The following PCIF1 variants were observed in gnomAD, a reference collection of about 807,000 sequenced individuals.
PCIF1 encodes phosphorylated CTD interacting factor 1.
In PCIF1, 12 loss-of-function variants were observed where a neutral mutation model predicts 86.9. The ratio of observed to expected loss-of-function variants is 0.14; its 90% CI spans 0.09 to 0.22. PCIF1 has a LOEUF of 0.22. Among genes scored for constraint, PCIF1 ranks in the 10% least tolerant of loss-of-function variants. The probability of loss-of-function intolerance (pLI) is 1.00; values close to 1 mark genes in which losing one functional copy is unlikely to be tolerated. For missense variants in PCIF1, 701 were observed against 951.1 expected (o/e 0.74, Z 3.46); for synonymous variants, 397 against 372.0 (o/e 1.07, Z -0.77).
In PCIF1 at chr20:45,943,104, G is replaced by A; in HGVS notation, c.681G>A (p.Glu227=). ...AGCTCTCCTGTCCTGCAGGCATTGA[G>A]CCTCCACGGGAGTCTTTCAACCGCT... is the stretch of plus-strand genomic sequence containing the variant. The part of the protein sequence containing the change: ...RELCQQREGI[E]PPRESFNRWM... The change falls in exon 8 of 17, where the codon GAG becomes GAA. Residue 227 remains glutamate (E), a synonymous_variant. Transcript: ENST00000372409. This position sits in a 1 kb window ranked among gnomAD's most constrained non-coding sequence, Gnocchi z 5.5. The A allele has an allele frequency of 6.2e-7, 1 of 1,613,864 alleles. No individual in the cohort carries two copies. Among genetic ancestry groups the A allele is most frequent in the South Asian group, 1.1e-5 (1 of 91,064 alleles).
At chr20:45,940,317 G>A (rs1403062702) in intron 4 of PCIF1, among the ~76,000 whole-genome samples, 158 bp from the exon 5 acceptor site, 2 of 152,204 alleles carry the variant, frequency 1.3e-5, no homozygotes, top group Admixed American at 1.3e-4. Flanking sequence ...GTTGCAAGTT[G>A]CAGGCAGGAC....
rs1242849167 is a variant in PCIF1 at position 45,943,594 on chromosome 20, G to A, written c.906-72G>A. On this transcript the variant is annotated intron_variant, in intron 9 of 16. Coordinates refer to ENST00000372409, the MANE Select transcript of PCIF1 (RefSeq NM_022104.4). This position sits in a 1 kb window ranked among gnomAD's most constrained non-coding sequence, Gnocchi z 5.5. ...TGGAAGCTAGGGGTTGATACCCAGC[G>A]AGCCCATGGAATTGGGATGAGGAGG... The A allele has an allele frequency of 1.5e-5, 21 of 1,438,902 alleles. No homozygotes were observed. Among genetic ancestry groups the A allele is most frequent in the African/African-American group, 7.1e-5 (5 of 70,848 alleles). 89.1% of individuals were successfully genotyped at this position (1,438,902 alleles called of 1,614,324 possible).
chr20:45,947,962 C>T lies in PCIF1; in HGVS notation c.*207C>T. The T allele has an allele frequency of 6.5e-7, 1 of 1,531,306 alleles. No individual in the cohort carries two copies. The highest frequency in any genetic ancestry group is 8.7e-7 in the Non-Finnish European group (1 of 1,144,662). 94.9% of individuals were successfully genotyped at this position (1,531,306 alleles called of 1,614,324 possible). Reference sequence around the variant, plus strand: ...AGGTCCTGATGCCTTCCCAACCCCGCCCCTCACCCTGTTGCCACCTTGTTT... The same window carrying T: ...AGGTCCTGATGCCTTCCCAACCCCGTCCCTCACCCTGTTGCCACCTTGTTT... On this transcript the variant is annotated 3_prime_UTR_variant, in exon 17 of 17. Coordinates refer to ENST00000372409, the MANE Select transcript of PCIF1 (RefSeq NM_022104.4). The surrounding 1 kb of genome is among the most constrained non-coding windows in gnomAD (Gnocchi z 5.4).
chr20:45,941,451 TTTTA>T lies in PCIF1; in HGVS notation c.673+256_673+259del, dbSNP rs545382957. Among the ~76,000 whole-genome samples the T allele has an allele frequency of 2.8e-3, 419 of 152,340 alleles. 1 individual carries two copies. The highest frequency in any genetic ancestry group is 5.2e-3 in the Admixed American group (80 of 15,300). ...GTATTAAATGAACTGTAGTTTTTAA[TTTTA>T]TTTATTTATTTTTTTTGAGATGGAG... On this transcript the variant is annotated intron_variant, in intron 7 of 16. Coordinates refer to ENST00000372409, the MANE Select transcript of PCIF1 (RefSeq NM_022104.4).
In PCIF1 at chr20:45,947,065, G is replaced by A; in HGVS notation, c.1614-8G>A. 6.2e-7 allele frequency: 1 copy of A among 1,604,172 alleles called. No homozygotes were observed. The highest frequency in any genetic ancestry group is 8.5e-7 in the Non-Finnish European group (1 of 1,172,558). ...GATGGGACTTAGAATGCTCACTCCT[G>A]TCCCCAGGCCCTGCCTAGACTTTGC... On this transcript the variant is annotated splice_polypyrimidine_tract_variant and splice_region_variant and intron_variant, in intron 14 of 16. Transcript: ENST00000372409. This position sits in a 1 kb window ranked among gnomAD's most constrained non-coding sequence, Gnocchi z 5.4.
At chr20:45,941,519 T>C (rs1489678889) in intron 7 of PCIF1, among the ~76,000 whole-genome samples, 1 of 152,222 alleles carries the variant, frequency 6.6e-6, no homozygotes, top group Non-Finnish European at 1.5e-5. Flanking sequence ...AGTGGCACCA[T>C]CTCCGCTCAC....
intron 2 of PCIF1, among the ~76,000 whole-genome samples, chr20:45,938,225 G>A (rs2083442333): frequency 6.6e-6 from 1 of 152,144 alleles, no homozygotes; most frequent in Non-Finnish European, 1.5e-5. Context: ...TATTCACCTG[G>A]GGATTATGAA....
Position 45,947,133 on chromosome 20 carries a change from G to C in PCIF1, c.1674G>C (p.Glu558Asp), listed in dbSNP as rs1471328833. 1 of 1,613,546 alleles carries C rather than the reference G, an allele frequency of 6.2e-7. No homozygotes were observed. The highest frequency in any genetic ancestry group is 1.1e-5 in the South Asian group (1 of 91,064). ...GSFEANPPFC[E>D]ELMDAMVSHF... Reference sequence around the variant, plus strand: ...TTGAGGCCAACCCTCCCTTCTGCGAGGAGCTCATGGATGCCATGGTCTCTC... The same window carrying C: ...TTGAGGCCAACCCTCCCTTCTGCGACGAGCTCATGGATGCCATGGTCTCTC... Residue 558 changes from glutamate to aspartate, a missense_variant, in exon 15 of 17, where the codon GAG becomes GAC. By Grantham distance (45) the Glu-to-Asp change is conservative. This residue lies in a region of PCIF1 where 174 missense variants were observed against 206.9 expected (regional missense o/e 0.84). Coordinates refer to ENST00000372409, the MANE Select transcript of PCIF1 (RefSeq NM_022104.4). The surrounding 1 kb of genome is among the most constrained non-coding windows in gnomAD (Gnocchi z 5.4).
At chr20:45,942,717 C>T (rs1051801088) in intron 7 of PCIF1, among the ~76,000 whole-genome samples, 12 of 150,380 alleles carry the variant, frequency 8.0e-5, no homozygotes, top group African/African-American at 2.9e-4. Flanking sequence ...CGGGTTCAAG[C>T]GATCCTCCCG....
intron 7 of PCIF1, among the ~76,000 whole-genome samples, chr20:45,942,646 G>T (rs913156476): frequency 6.7e-6 from 1 of 150,334 alleles, no homozygotes; most frequent in African/African-American, 2.5e-5. Context: ...ACAAGGTCTC[G>T]CTCTGTCACC....
intron 5 of PCIF1, 81 bp downstream of exon 5, chr20:45,940,693 A>T (rs914941295): frequency 6.4e-7 from 1 of 1,571,982 alleles, no homozygotes; most frequent in African/African-American, 1.4e-5. Context: ...GGGGCTGGGC[A>T]TTGGCAGGCC....
rs758872414 is a variant in PCIF1 at position 45,947,712 on chromosome 20, C to T, written c.2072C>T (p.Ser691Leu). 1.1e-5 allele frequency: 18 copies of T among 1,606,496 alleles called. No homozygotes were observed. Among genetic ancestry groups the T allele is most frequent in the South Asian group, 1.1e-4 (10 of 90,822 alleles). ...TCCTCGGAGGCCAAGGACCGGGACT[C>T]GGGCCGTGAGCAGGGTCCTAGCCGC... is the stretch of plus-strand genomic sequence containing the variant. ...SSSSEAKDRD[S>L]GREQGPSREP... The change falls in exon 17 of 17, where the codon TCG (serine) becomes TTG (leucine). Residue 691 changes from serine to leucine, a missense_variant. Transcript: ENST00000372409. The surrounding 1 kb of genome is among the most constrained non-coding windows in gnomAD (Gnocchi z 5.4).
At chr20:45,937,286 C>G (rs1381523957) in intron 1 of PCIF1, 132 bp from the exon 2 acceptor site, 1 of 397,424 alleles carries the variant, frequency 2.5e-6, no homozygotes, top group Non-Finnish European at 4.4e-6. Flanking sequence ...TTTTCATCCC[C>G]TGTATTCCCT....
In PCIF1 at chr20:45,946,364, C is replaced by T. The variant is rs35174692; in HGVS notation, c.1593C>T (p.Asp531=). The T allele has an allele frequency of 6.1e-5, 98 of 1,613,554 alleles. 1 individual carries two copies. Among genetic ancestry groups the T allele is most frequent in the South Asian group, 8.8e-5 (8 of 91,096 alleles). ...RQYCSAFPDT[D]GYFGSRGPCL... is the part of the protein sequence containing the mutation. Reference sequence around the variant, plus strand: ...ACTGTTCTGCCTTCCCCGACACAGACGGCTACTTTGGCTCCCGCGGGTGAG... The same window carrying T: ...ACTGTTCTGCCTTCCCCGACACAGATGGCTACTTTGGCTCCCGCGGGTGAG... The change falls in exon 14 of 17, where the codon GAC becomes GAT. Residue 531 remains aspartate, a synonymous_variant. Coordinates refer to ENST00000372409, the MANE Select transcript of PCIF1 (RefSeq NM_022104.4).
intron 10 of PCIF1, among the ~76,000 whole-genome samples, chr20:45,944,258 A>T (rs2083501694): frequency 6.6e-6 from 1 of 152,164 alleles, no homozygotes; most frequent in African/African-American, 2.4e-5. Flanking sequence ...CATATTTCAC[A>T]AGAGACAAGG....
intron 4 of PCIF1, among the ~76,000 whole-genome samples, chr20:45,939,802 A>G (rs1337284726): frequency 1.3e-5 from 2 of 152,176 alleles, no homozygotes; most frequent in East Asian, 3.9e-4. Flanking sequence ...AGGATCTGAC[A>G]TGTCAGTACG....
Position 45,943,517 on chromosome 20 carries a change from C to A in PCIF1, c.905+94C>A. 7.2e-7 allele frequency: 1 copy of A among 1,382,788 alleles called. No homozygotes were observed. Among genetic ancestry groups the A allele is most frequent in the Non-Finnish European group, 1.0e-6 (1 of 997,276 alleles). 85.7% of individuals were successfully genotyped at this position (1,382,788 alleles called of 1,614,324 possible). A position where few individuals can be genotyped will look rare whatever the true frequency, so the allele number is the denominator to read the frequency against. ...CCAGTCTCATGCAGGGCTGTCATTGCTCTCGGTGGCAGAAGTGGGGCCAGC... is the reference window on the plus strand; with the variant it reads ...CCAGTCTCATGCAGGGCTGTCATTGATCTCGGTGGCAGAAGTGGGGCCAGC... On this transcript the variant is annotated intron_variant, in intron 9 of 16. Transcript: ENST00000372409. This position sits in a 1 kb window ranked among gnomAD's most constrained non-coding sequence, Gnocchi z 5.5.
chr20:45,934,874 C>T, intron 1 of PCIF1, 70 bp downstream of exon 1: 1 of 397,880 alleles, frequency 2.5e-6, no homozygotes, highest in Non-Finnish European at 4.4e-6. Flanking sequence ...AGCTGGGGGG[C>T]GGCGGCCCCT....
rs2083466788 is a variant in PCIF1 at position 45,941,173 on chromosome 20, G to A, written c.639G>A (p.Arg213=). ...LLRSQLILKL[R]QHYRELCQQR... ...GCTCTCAGCTCATCCTGAAGCTTCG[G>A]CAGCACTATCGGGAGCTGTGCCAGC... The change falls in exon 7 of 17, where the codon CGG becomes CGA. Residue 213 remains arginine (R), a synonymous_variant. Coordinates refer to ENST00000372409, the MANE Select transcript of PCIF1 (RefSeq NM_022104.4). 1.9e-6 allele frequency: 3 copies of A among 1,613,568 alleles called. No homozygotes were observed. The highest frequency in any genetic ancestry group is 1.7e-5 in the Admixed American group (1 of 59,966).
Sources: gnomAD v4.1 joint callset for allele counts (sites outside exome capture counted in the v4.1 genomes callset) on GRCh38, gnomAD v4.1.1 for gene constraint, gnomAD v4.1.1 regional missense constraint, Gnocchi (gnomAD v3.1) non-coding constraint, MANE v1.5 for transcripts, NCBI Gene and HGNC (gene_info 2026-07-23, HGNC 2026-07-21) for gene names.